PTPRC: variants seen among roughly 807,000 people sequenced by gnomAD.
The protein encoded by PTPRC is receptor-type tyrosine-protein phosphatase C.
In PTPRC, 44 loss-of-function variants were observed where a neutral mutation model predicts 155.9. The observed-to-expected ratio is 0.28, with a 90% confidence interval of 0.22 to 0.36. The LOEUF is 0.36. Among genes scored for constraint, PTPRC ranks in the 10% least tolerant of loss-of-function variants. The pLI is 1.00. For missense variants in PTPRC, 1,401 were observed against 1,564.6 expected (o/e 0.90, Z 1.76); for synonymous variants, 525 against 533.1 (o/e 0.98, Z 0.21).
chr1:198,742,131 TG>T, intron 24 of PTPRC, 100 bp from the exon 25 acceptor site: 1 of 1,602,428 alleles, frequency 6.2e-7, no homozygotes, highest in South Asian at 1.1e-5. Flanking sequence ...ATTGCTATTT[TG>T]GGAAACAACC....
chr1:198,756,183 A>G lies in PTPRC; in HGVS notation c.*2A>G, dbSNP rs745599172. The G allele has an allele frequency of 6.2e-7, 1 of 1,612,876 alleles. No individual in the cohort carries two copies. Among genetic ancestry groups the G allele is most frequent in the Non-Finnish European group, 8.5e-7 (1 of 1,179,388 alleles). ...CCAGCTTTAAATCAAGGTTCATAGGAAAAGACATAAATGAGGAAACTCCAA... is the reference window on the plus strand; with the variant it reads ...CCAGCTTTAAATCAAGGTTCATAGGGAAAGACATAAATGAGGAAACTCCAA... On this transcript the variant is annotated 3_prime_UTR_variant, in exon 33 of 33. Transcript: ENST00000442510.
intron 2 of PTPRC, among the ~76,000 whole-genome samples, chr1:198,685,160 C>T (rs1571830742): frequency 6.6e-6 from 1 of 151,952 alleles, no homozygotes; most frequent in South Asian, 2.1e-4. Context: ...GTCCTTTACT[C>T]ATGAGATTCC....
chr1:198,728,344 T>C lies in PTPRC; in HGVS notation c.1725T>C (p.Asn575=). The C allele has an allele frequency of 1.2e-6, 2 of 1,611,682 alleles. No individual in the cohort carries two copies. The highest frequency in any genetic ancestry group is 8.5e-7 in the Non-Finnish European group (1 of 1,178,592). The change falls in exon 16 of 33, where the codon AAT becomes AAC. Residue 575 remains asparagine (N), a synonymous_variant. Transcript: ENST00000442510. ...PFILHHSTSY[N]SKALIAFLAF... Reference sequence around the variant, plus strand: ...TGTATTATTTTTCATTTCTAGATAATTCTAAGGCACTGATAGCATTTCTGG... The same window carrying C: ...TGTATTATTTTTCATTTCTAGATAACTCTAAGGCACTGATAGCATTTCTGG...
intron 2 of PTPRC, among the ~76,000 whole-genome samples, chr1:198,666,117 C>T (rs1284440764): frequency 1.3e-5 from 2 of 151,706 alleles, no homozygotes; most frequent in African/African-American, 4.8e-5. Flanking sequence ...CCTGTGGTCC[C>T]AGCTACTTGA....
chr1:198,735,588 C>A (rs1286689145), intron 23 of PTPRC, among the ~76,000 whole-genome samples: 1 of 151,272 alleles, frequency 6.6e-6, no homozygotes, highest in Admixed American at 6.6e-5. Flanking sequence ...TCAGTGAGTT[C>A]CTACTTTTAT....
intron 31 of PTPRC, among the ~76,000 whole-genome samples, chr1:198,753,672 C>G (rs1319125634): frequency 6.6e-6 from 1 of 151,944 alleles, no homozygotes; most frequent in Non-Finnish European, 1.5e-5. Context: ...ACTAAAGTGT[C>G]CTGCTGATAA....
At chr1:198,739,638 T>C (rs996741706) in intron 23 of PTPRC, among the ~76,000 whole-genome samples, 5 of 151,820 alleles carry the variant, frequency 3.3e-5, no homozygotes, top group Non-Finnish European at 5.9e-5. Flanking sequence ...AGTTGGAGAC[T>C]TCAACACTCT....
At chr1:198,712,815 A>T in intron 11 of PTPRC, 138 bp from the exon 12 acceptor site, 1 of 932,274 alleles carries the variant, frequency 1.1e-6, no homozygotes, top group Non-Finnish European at 1.7e-6. Flanking sequence ...AAATGAGCCC[A>T]GATGCATTTC....
intron 2 of PTPRC, among the ~76,000 whole-genome samples, chr1:198,690,784 A>T (rs1255967599): frequency 6.6e-6 from 1 of 152,136 alleles, no homozygotes; most frequent in Non-Finnish European, 1.5e-5. Context: ...CTGAGTTTAC[A>T]GTCATTTGGA....
At chr1:198,697,872 T>G (rs1455538988) in intron 4 of PTPRC, among the ~76,000 whole-genome samples, 1 of 152,242 alleles carries the variant, frequency 6.6e-6, no homozygotes, top group African/African-American at 2.4e-5. Context: ...AGTAAGCAGT[T>G]AAATAAATGG....
intron 2 of PTPRC, among the ~76,000 whole-genome samples, chr1:198,661,843 A>G (rs557629829): frequency 6.6e-6 from 1 of 152,288 alleles, no homozygotes; most frequent in East Asian, 1.9e-4. Context: ...TTAGGACAAA[A>G]TAGACTTCTT....
chr1:198,746,683 T>A (rs1655149152), intron 26 of PTPRC, among the ~76,000 whole-genome samples: 1 of 151,794 alleles, frequency 6.6e-6, no homozygotes, highest in African/African-American at 2.4e-5. Flanking sequence ...TGATGGCAAG[T>A]GAAACAGGTA....
intron 16 of PTPRC, 30 bp from the exon 17 acceptor site, chr1:198,729,107 T>C: frequency 6.2e-7 from 1 of 1,607,766 alleles, no homozygotes; most frequent in Non-Finnish European, 8.5e-7. Flanking sequence ...TTCTTGAGAA[T>C]ATAGAAACTT....
intron 2 of PTPRC, among the ~76,000 whole-genome samples, chr1:198,659,959 T>A (rs1022194379): frequency 2.1e-5 from 3 of 143,438 alleles, no homozygotes; most frequent in Non-Finnish European, 4.6e-5. Context: ...TCCACGTATA[T>A]GGACATATAT....
rs1262750110 is a variant in PTPRC at position 198,731,684 on chromosome 1, G to T, written c.1932G>T (p.Arg644Ser). Residue 644 changes from arginine (R) to serine (S), a missense_variant, in exon 18 of 33, where the codon AGG (arginine) becomes AGT (serine). Arg to Ser is a moderately radical substitution (Grantham distance 110). Transcript: ENST00000442510. ...ATATTTTGTTGGAAACTTATAAGAG[G>T]AAGATTGCTGATGAAGGAAGACTTT... is the stretch of plus-strand genomic sequence containing the variant. ...HADILLETYKRKIADEGRLFL... is the reference protein window; with the variant it reads ...HADILLETYKSKIADEGRLFL... The T allele has an allele frequency of 6.2e-7, 1 of 1,611,388 alleles. No homozygotes were observed. Among genetic ancestry groups the T allele is most frequent in the Non-Finnish European group, 8.5e-7 (1 of 1,177,954 alleles).
chr1:198,659,942 A>G (rs958667009), intron 2 of PTPRC, among the ~76,000 whole-genome samples: 26 of 148,188 alleles, frequency 1.8e-4, no homozygotes, highest in African/African-American at 6.2e-4. Context: ...TCATACAGAA[A>G]TCATTGTCCA....
chr1:198,731,867 T>C, intron 18 of PTPRC, 141 bp downstream of exon 18: 1 of 724,030 alleles, frequency 1.4e-6, no homozygotes, highest in East Asian at 2.7e-5. Flanking sequence ...TTAGCAGATC[T>C]CTATGAACCA....
intron 20 of PTPRC, among the ~76,000 whole-genome samples, chr1:198,733,045 A>G (rs1362609135): frequency 6.6e-6 from 1 of 151,842 alleles, no homozygotes; most frequent in African/African-American, 2.4e-5. Context: ...CCTCATCAAC[A>G]TGATCATCTA....
chr1:198,732,297 C>T lies in PTPRC; in HGVS notation c.1975-3C>T. ...TGATCCAAGAAATCGTTGTTTCTTT[C>T]AGAGCATCCCGCGGGTGTTCAGCAA... is the stretch of plus-strand genomic sequence containing the variant. On this transcript the variant is annotated splice_region_variant and splice_polypyrimidine_tract_variant and intron_variant, in intron 18 of 32. Coordinates refer to ENST00000442510, the MANE Select transcript of PTPRC (RefSeq NM_002838.5). 1 of 1,610,690 alleles carries T rather than the reference C, an allele frequency of 6.2e-7. No homozygotes were observed. Among genetic ancestry groups the T allele is most frequent in the South Asian group, 1.1e-5 (1 of 90,994 alleles).
Sources: allele counts gnomAD v4.1 joint callset (sites outside exome capture counted in the v4.1 genomes callset), GRCh38; gene constraint gnomAD v4.1.1; transcripts MANE v1.5; gene names NCBI Gene and HGNC (gene_info 2026-07-23, HGNC 2026-07-21).